Variants in KALRN observed in about 807,000 individuals in gnomAD.
KALRN encodes kalirin.
Under a neutral mutation model 353.7 loss-of-function variants are expected in KALRN, and 70 were observed. That is an observed-to-expected ratio of 0.20 (90% CI 0.16 to 0.24). The LOEUF (loss-of-function observed/expected upper bound fraction) is 0.24. KALRN is among the 10% of genes least tolerant of loss of function. The probability of loss-of-function intolerance (pLI) is 1.00; values close to 1 mark genes in which losing one functional copy is unlikely to be tolerated. For missense variants in KALRN, 2,791 were observed against 3,756.7 expected, an observed-to-expected ratio of 0.74 and a Z score of 6.72; for synonymous variants, 1,391 against 1,434.8, an observed-to-expected ratio of 0.97 and a Z score of 0.69.
intron 3 of KALRN, among the ~76,000 whole-genome samples, chr3:124,240,884 C>T (rs1454430859): frequency 6.6e-6 from 1 of 152,154 alleles, no homozygotes; most frequent in Non-Finnish European, 1.5e-5. Flanking sequence ...AGCAGGCTCT[C>T]TCTAGCACCC....
At chr3:124,657,614 C>A in intron 40 of KALRN, 63 bp downstream of exon 40, 4 of 1,408,814 alleles carry the variant, frequency 2.8e-6, no homozygotes, top group Non-Finnish European at 4.0e-6. Flanking sequence ...AGTCCTCTTC[C>A]TGCATCTGAC....
intron 10 of KALRN, among the ~76,000 whole-genome samples, chr3:124,371,799 A>G (rs1272905269): frequency 6.6e-6 from 1 of 152,214 alleles, no homozygotes; most frequent in Admixed American, 6.5e-5. Flanking sequence ...GTTACAATCT[A>G]ATTAAATTCT....
chr3:124,319,327 A>G (rs2079092635), intron 6 of KALRN, among the ~76,000 whole-genome samples: 1 of 151,674 alleles, frequency 6.6e-6, no homozygotes, highest in South Asian at 2.1e-4. Context: ...AAAAAACCAA[A>G]TCTATTAAAG....
chr3:124,584,346 C>T (rs1355720788), intron 34 of KALRN, among the ~76,000 whole-genome samples: 1 of 152,172 alleles, frequency 6.6e-6, no homozygotes, highest in Non-Finnish European at 1.5e-5. Flanking sequence ...AAAAGGGCAT[C>T]CTTGAGTCTT....
In KALRN at chr3:124,606,304, T is replaced by C. The variant is rs574166796; in HGVS notation, c.5183-26116T>C. Among the ~76,000 whole-genome samples the C allele has an allele frequency of 2.3e-3, 349 of 152,282 alleles. 1 individual carries two copies. Among genetic ancestry groups the C allele is most frequent in the South Asian group, 9.1e-3 (44 of 4,816 alleles). Reference sequence around the variant, plus strand: ...AGACTGGAGTGTCTCCTCTCTTAGATGGGAGTCCTCATTGGTGACCCAAAG... The same window carrying C: ...AGACTGGAGTGTCTCCTCTCTTAGACGGGAGTCCTCATTGGTGACCCAAAG... On this transcript the variant is annotated intron_variant, in intron 34 of 59. Transcript: ENST00000682506.
chr3:124,607,556 G>A (rs947119839), intron 34 of KALRN, among the ~76,000 whole-genome samples: 7 of 152,172 alleles, frequency 4.6e-5, no homozygotes, highest in African/African-American at 1.4e-4. Context: ...ATACATACTT[G>A]TAGCCAATAA....
chr3:124,228,789 T>G (rs1382382202), intron 2 of KALRN, among the ~76,000 whole-genome samples: 4 of 152,234 alleles, frequency 2.6e-5, no homozygotes, highest in South Asian at 2.1e-4. Context: ...GAAATCCGTT[T>G]CATGGGGCTG....
chr3:124,353,681 G>A (rs1442932152), intron 10 of KALRN, among the ~76,000 whole-genome samples: 5 of 151,850 alleles, frequency 3.3e-5, no homozygotes, highest in Non-Finnish European at 7.4e-5. Flanking sequence ...CAAGCAGAAG[G>A]AAAAGGTGGG....
At chr3:124,236,402 A>G (rs2079769693) in intron 3 of KALRN, among the ~76,000 whole-genome samples, 1 of 152,184 alleles carries the variant, frequency 6.6e-6, no homozygotes. Context: ...GCCATCTAGG[A>G]GCTAAGCAGT....
intron 34 of KALRN, among the ~76,000 whole-genome samples, chr3:124,578,195 G>T (rs914654523): frequency 6.6e-6 from 1 of 152,126 alleles, no homozygotes; most frequent in African/African-American, 2.4e-5. Flanking sequence ...TTAGCTTAGT[G>T]ACTTACAAAT....
intron 1 of KALRN, among the ~76,000 whole-genome samples, chr3:124,173,670 C>G (rs1252059353): frequency 6.6e-6 from 1 of 152,134 alleles, no homozygotes; most frequent in Non-Finnish European, 1.5e-5. Flanking sequence ...GGCTGGGGTG[C>G]AATGGCGTGA....
chr3:124,138,667 G>A (rs1005039518), intron 1 of KALRN, among the ~76,000 whole-genome samples: 1 of 152,152 alleles, frequency 6.6e-6, no homozygotes, highest in Non-Finnish European at 1.5e-5. Context: ...CCTCCTTTCT[G>A]TGGAATTCCC....
chr3:124,491,522 T>A (rs1946794712), intron 31 of KALRN, 98 bp downstream of exon 31: 1 of 792,698 alleles, frequency 1.3e-6, no homozygotes, highest in Admixed American at 3.5e-5. Flanking sequence ...GAGACTCTAC[T>A]GAGCCATGGG....
At chr3:124,237,921 T>A (rs9872874) in intron 3 of KALRN, among the ~76,000 whole-genome samples, 134,659 of 152,150 alleles carry the variant, frequency 0.89, 60,859 homozygotes, top group Non-Finnish European at 0.99. Context: ...GAGTGGTGAA[T>A]GAGGATCCTA....
Position 124,434,339 on chromosome 3 carries a change from G to T in KALRN, c.2862G>T (p.Thr954=), listed in dbSNP as rs369991680. ...SLFHATSLQK[T]HQSALQVQQK... ...TTCATGCCACTTCCTTGCAGAAGAC[G>T]CACCAGAGTGCCCTGCAGGTACAGC... The change falls in exon 17 of 60, where the codon ACG becomes ACT. Residue 954 remains threonine (T), a synonymous_variant. Coordinates refer to ENST00000682506, the MANE Select transcript of KALRN (RefSeq NM_001388419.1). 1.2e-6 allele frequency: 2 copies of T among 1,612,970 alleles called. No homozygotes were observed. The highest frequency in any genetic ancestry group is 1.7e-6 in the Non-Finnish European group (2 of 1,179,988).
At chr3:124,475,976 GT>G (rs879510683) in intron 26 of KALRN, among the ~76,000 whole-genome samples, 70 of 145,644 alleles carry the variant, frequency 4.8e-4, no homozygotes, top group East Asian at 1.2e-3. Flanking sequence ...TAAGTAAAGG[GT>G]TTTTTTTTTG....
chr3:124,296,469 T>TC (rs1331357493), intron 5 of KALRN, among the ~76,000 whole-genome samples: 2 of 152,174 alleles, frequency 1.3e-5, no homozygotes. Context: ...CTACTGCCAC[T>TC]CCCGTAATCC....
chr3:124,456,829 C>G, intron 23 of KALRN, 101 bp downstream of exon 23: 1 of 722,774 alleles, frequency 1.4e-6, no homozygotes, highest in Non-Finnish European at 2.4e-6. Flanking sequence ...CTCATGGCCA[C>G]CTACAGGGAT....
chr3:124,723,109 G>C lies in KALRN; in HGVS notation c.*3639G>C, dbSNP rs1487627620. The C allele has an allele frequency of 6.6e-6, 1 of 152,198 alleles. No homozygotes were observed. Among genetic ancestry groups the C allele is most frequent in the Non-Finnish European group, 1.5e-5 (1 of 68,038 alleles). 9.4% of individuals were successfully genotyped at this position (152,198 alleles called of 1,614,324 possible). Reference sequence around the variant, plus strand: ...TCTCAGCCATAAACAATGTAAGGGGGAGTAGAGGAAGCAGAGGAGAAAGCT... The same window carrying C: ...TCTCAGCCATAAACAATGTAAGGGGCAGTAGAGGAAGCAGAGGAGAAAGCT... On this transcript the variant is annotated 3_prime_UTR_variant, in exon 60 of 60. Coordinates refer to ENST00000682506, the MANE Select transcript of KALRN (RefSeq NM_001388419.1).
Sources: gnomAD v4.1 joint callset for allele counts (sites outside exome capture counted in the v4.1 genomes callset) on GRCh38, gnomAD v4.1.1 for gene constraint, MANE v1.5 for transcripts, NCBI Gene and HGNC (gene_info 2026-07-23, HGNC 2026-07-21) for gene names.